IFT172: variants seen among roughly 807,000 people sequenced by gnomAD.
IFT172 encodes the protein intraflagellar transport 172.
Under a neutral mutation model 248.9 loss-of-function variants are expected in IFT172, and 164 were observed. That is an observed-to-expected ratio of 0.66 (90% CI 0.58 to 0.75). The LOEUF is 0.75. IFT172 is among the 30% of genes least tolerant of loss of function. IFT172 has a pLI of 0.00. For synonymous variants in IFT172, 729 were observed against 791.6 expected (o/e 0.92, Z 1.33); for missense variants, 1,950 against 2,192.4 (o/e 0.89, Z 2.21).
intron 22 of IFT172, 56 bp from the exon 23 acceptor site, chr2:27,461,149 T>G: frequency 6.2e-7 from 1 of 1,613,798 alleles, no homozygotes; most frequent in South Asian, 1.1e-5. Context: ...AACTAAGTAT[T>G]AGCTCCGAAA....
chr2:27,446,114 G>A, intron 43 of IFT172, 126 bp from the exon 44 acceptor site: 1 of 1,386,452 alleles, frequency 7.2e-7, no homozygotes. Flanking sequence ...GATCCAGGGA[G>A]AAAAATCCAG....
In IFT172 at chr2:27,459,783, T is replaced by C. The variant is rs769275818; in HGVS notation, c.2568A>G (p.Leu856=). Residue 856 remains leucine (L), a synonymous_variant, in exon 24 of 48, where the codon CTA becomes CTG. Transcript: ENST00000260570. ...RLAFPVEVVK[L]EEAWGDHLVQ... The stretch of plus-strand genomic sequence containing the variant: ...CCAGGTGGTCCCCCCATGCCTCCTC[T>C]AGTTTCACCACCTCCACTGGGAAGG... 1.7e-5 allele frequency: 28 copies of C among 1,612,820 alleles called. No individual in the cohort carries two copies. The highest frequency in any genetic ancestry group is 6.6e-5 in the South Asian group (6 of 91,094).
At chr2:27,448,872 A>C in intron 40 of IFT172, 43 bp downstream of exon 40, 1 of 925,946 alleles carries the variant, frequency 1.1e-6, no homozygotes, top group South Asian at 1.3e-5. Context: ...GAGGAGAAAG[A>C]GCTTTCTTGT....
In IFT172 at chr2:27,461,531, G is replaced by A; in HGVS notation, c.2194-14C>T. 1 of 1,612,780 alleles carries A rather than the reference G, an allele frequency of 6.2e-7. No individual in the cohort carries two copies. Among genetic ancestry groups the A allele is most frequent in the African/African-American group, 1.3e-5 (1 of 74,976 alleles). ...GGCTGGGTGCCCCTGGACATGCACA[G>A]AGGACAACTAGGAGTCACATCCCCC... On this transcript the variant is annotated splice_polypyrimidine_tract_variant and intron_variant, in intron 21 of 47. Transcript: ENST00000260570.
intron 16 of IFT172, among the ~76,000 whole-genome samples, chr2:27,469,652 C>T (rs1050445391): frequency 5.3e-5 from 8 of 152,034 alleles, no homozygotes; most frequent in Admixed American, 1.3e-4. Context: ...GCCAACATGG[C>T]GAAACCTCAT....
chr2:27,486,714 C>T (rs1668788683), intron 1 of IFT172, among the ~76,000 whole-genome samples: 1 of 152,198 alleles, frequency 6.6e-6, no homozygotes. Flanking sequence ...TTTGCTGATC[C>T]TCCTGCTTTA....
intron 2 of IFT172, 31 bp from the exon 3 acceptor site, chr2:27,485,161 AAAG>A: frequency 1.3e-6 from 2 of 1,494,698 alleles, no homozygotes; most frequent in Non-Finnish European, 1.8e-6. Flanking sequence ...AAAGAAAGAA[AAAG>A]AAGTAATGAG....
rs371705782 is a variant in IFT172, at chr2:27,454,545, G to A, written c.3465+22C>T. On this transcript the variant is annotated intron_variant, in intron 31 of 47. Transcript: ENST00000260570. This position sits in a 1 kb window ranked among gnomAD's most constrained non-coding sequence, Gnocchi z 4.2. Reference sequence around the variant, plus strand: ...GATGGAATAAGAGGGCTCTGCGGTCGGGGTCCAAATCACACCCATACCTCA... The same window carrying A: ...GATGGAATAAGAGGGCTCTGCGGTCAGGGTCCAAATCACACCCATACCTCA... 13 of 1,612,330 alleles carry A rather than the reference G, an allele frequency of 8.1e-6. No individual in the cohort carries two copies. Among genetic ancestry groups the A allele is most frequent in the Admixed American group, 1.7e-5 (1 of 59,986 alleles).
chr2:27,485,746 C>T (rs1438214610), intron 1 of IFT172, among the ~76,000 whole-genome samples: 1 of 152,220 alleles, frequency 6.6e-6, no homozygotes, highest in Admixed American at 6.5e-5. Context: ...GCTAAGTCAA[C>T]TGTATCAATG....
rs537755955 is a variant in IFT172 at position 27,484,710 on chromosome 2, G to A, written c.296+308C>T. On this transcript the variant is annotated intron_variant, in intron 3 of 47. Coordinates refer to ENST00000260570, the MANE Select transcript of IFT172 (RefSeq NM_015662.3). ...AGTAGTATTTCTGACTACTCTGTAG[G>A]AGCCCTGAAAGGAGGTATATGAGGG... is the stretch of plus-strand genomic sequence containing the variant. 3.9e-5 allele frequency among the ~76,000 whole-genome samples: 6 copies of A among 152,248 alleles called. No homozygotes were observed. The East Asian group carries it at 1.2e-3, about 29-fold the overall frequency.
At position 27,453,666 on chromosome 2, in the gene IFT172, T is replaced by C. The variant is rs764314338; in HGVS notation, c.3785A>G (p.Glu1262Gly). 4 of 1,612,488 alleles carry C rather than the reference T, an allele frequency of 2.5e-6. No homozygotes were observed. Among genetic ancestry groups the C allele is most frequent in the Non-Finnish European group, 3.4e-6 (4 of 1,179,482 alleles). Residue 1262 changes from glutamate to glycine, a missense_variant, in exon 34 of 48, where the codon GAA becomes GGA. Coordinates refer to ENST00000260570, the MANE Select transcript of IFT172 (RefSeq NM_015662.3). ...CTTAGTAGCTTCCCGCTCATATTCT[T>C]CCTGCAGAGCCTCCAGCTGGCTGGG... is the stretch of plus-strand genomic sequence containing the variant. ...YVPSQLEALQ[E>G]EYEREATKKG...
At chr2:27,488,826 C>G (rs1668949905) in intron 1 of IFT172, among the ~76,000 whole-genome samples, 1 of 152,126 alleles carries the variant, frequency 6.6e-6, no homozygotes, top group Non-Finnish European at 1.5e-5. Flanking sequence ...GGTGGCCAGT[C>G]TGGGCAACAT....
At chr2:27,485,316 C>G (rs1668679846) in intron 2 of IFT172, 44 bp downstream of exon 2, 1 of 1,611,080 alleles carries the variant, frequency 6.2e-7, no homozygotes, top group Non-Finnish European at 8.5e-7. Flanking sequence ...GTTGTGAGAC[C>G]CCATCAATAG....
intron 15 of IFT172, 29 bp downstream of exon 15, chr2:27,472,211 GGGCCAGCCAA>G (rs747996724): frequency 6.9e-7 from 1 of 1,450,544 alleles, no homozygotes; most frequent in East Asian, 2.3e-5. Flanking sequence ...CACCCTCTGT[GGGCCAGCCAA>G]TGCCTAAGGC....
At chr2:27,473,468 G>T (rs1028376799) in intron 14 of IFT172, among the ~76,000 whole-genome samples, 17 of 145,348 alleles carry the variant, frequency 1.2e-4, no homozygotes, top group African/African-American at 3.3e-4. Context: ...CAGCCACCAC[G>T]ACCGGCTAAT....
chr2:27,485,284 G>C (rs1489391613), intron 2 of IFT172, 76 bp downstream of exon 2: 1 of 1,599,430 alleles, frequency 6.3e-7, no homozygotes, highest in Non-Finnish European at 8.5e-7. Flanking sequence ...CTGATGGCTA[G>C]AAGGCAGACT....
Position 27,489,657 on chromosome 2 carries a change from G to A in IFT172, c.-4C>T. The A allele has an allele frequency of 1.2e-6, 2 of 1,609,572 alleles. No individual in the cohort carries two copies. Among genetic ancestry groups the A allele is most frequent in the Non-Finnish European group, 1.7e-6 (2 of 1,177,046 alleles). On this transcript the variant is annotated 5_prime_UTR_variant, in exon 1 of 48. Coordinates refer to ENST00000260570, the MANE Select transcript of IFT172 (RefSeq NM_015662.3). ...TCCTCAGGTGCTTCAAGTGCATGAC[G>A]CACACCTGTCTTTCAGATGCTCCTA... is the stretch of plus-strand genomic sequence containing the variant.
At chr2:27,458,685 G>A in intron 26 of IFT172, 94 bp downstream of exon 26, 13 of 1,414,394 alleles carry the variant, frequency 9.2e-6, no homozygotes, top group Non-Finnish European at 1.2e-5. Flanking sequence ...CAGCTTTCAG[G>A]GAGCCAAGCG....
At chr2:27,482,026 G>A (rs1387077807) in intron 7 of IFT172, among the ~76,000 whole-genome samples, 4 of 150,020 alleles carry the variant, frequency 2.7e-5, no homozygotes, top group African/African-American at 9.8e-5. Flanking sequence ...CTCTGTCGCC[G>A]GGGCTGCAGT....
Sources: allele counts gnomAD v4.1 joint callset (sites outside exome capture counted in the v4.1 genomes callset), GRCh38; gene constraint gnomAD v4.1.1; non-coding constraint Gnocchi (gnomAD v3.1); transcripts MANE v1.5; gene names NCBI Gene and HGNC (gene_info 2026-07-23, HGNC 2026-07-21).